Variants in ITFG1 observed in about 807,000 individuals in gnomAD.
ITFG1 encodes the protein T-cell immunomodulatory protein.
Under a neutral mutation model 81.8 loss-of-function variants are expected in ITFG1, and 34 were observed. That is an observed-to-expected ratio of 0.42 (90% CI 0.32 to 0.55). ITFG1 has a LOEUF of 0.55. Ranked by LOEUF, ITFG1 falls within the 20% of genes least tolerant of loss-of-function variation. The pLI is 0.17. For synonymous variants in ITFG1, 285 were observed against 270.6 expected (o/e 1.05, Z -0.52); for missense variants, 672 against 755.4 (o/e 0.89, Z 1.29).
At chr16:47,293,456 TAA>T (rs1485632692) in intron 10 of ITFG1, among the ~76,000 whole-genome samples, 1 of 152,054 alleles carries the variant, frequency 6.6e-6, no homozygotes, top group African/African-American at 2.4e-5. Flanking sequence ...GGTGTACTAA[TAA>T]ACATTCATAC....
chr16:47,183,538 G>C (rs922120625), intron 14 of ITFG1, among the ~76,000 whole-genome samples: 3 of 151,942 alleles, frequency 2.0e-5, no homozygotes, highest in Non-Finnish European at 4.4e-5. Flanking sequence ...CTGACACCTC[G>C]CACGGCCGGG....
intron 10 of ITFG1, among the ~76,000 whole-genome samples, chr16:47,275,415 A>T (rs1966387118): frequency 6.6e-6 from 1 of 152,154 alleles, no homozygotes; most frequent in African/African-American, 2.4e-5. Context: ...AGCTATATAA[A>T]ATACAGTACA....
At chr16:47,408,476 G>C (rs755128908) in intron 6 of ITFG1, among the ~76,000 whole-genome samples, 2 of 152,146 alleles carry the variant, frequency 1.3e-5, no homozygotes, top group Non-Finnish European at 2.9e-5. Context: ...TATCTTTCCA[G>C]TTTTACAAGA....
intron 10 of ITFG1, among the ~76,000 whole-genome samples, chr16:47,305,153 A>T (rs958260200): frequency 6.6e-6 from 1 of 152,196 alleles, no homozygotes; most frequent in African/African-American, 2.4e-5. Flanking sequence ...GTCTGGAAAG[A>T]CAAGTATATA....
intron 5 of ITFG1, among the ~76,000 whole-genome samples, chr16:47,444,282 CATTA>C (rs1378511440): frequency 3.3e-5 from 5 of 152,118 alleles, no homozygotes; most frequent in Admixed American, 6.6e-5. Flanking sequence ...TGCTATTTCT[CATTA>C]ATTAACTTAC....
chr16:47,187,805 T>C (rs1252268097), intron 14 of ITFG1, among the ~76,000 whole-genome samples: 2 of 151,974 alleles, frequency 1.3e-5, no homozygotes, highest in East Asian at 1.9e-4. Flanking sequence ...CAAAAGAAAC[T>C]ACCATCAGAG....
chr16:47,173,564 C>T (rs989161221), intron 14 of ITFG1, among the ~76,000 whole-genome samples: 1 of 152,056 alleles, frequency 6.6e-6, no homozygotes, highest in Admixed American at 6.5e-5. Flanking sequence ...TAGCACATCA[C>T]GATTGTCTAC....
intron 6 of ITFG1, among the ~76,000 whole-genome samples, chr16:47,393,910 G>A (rs1213123526): frequency 1.3e-5 from 2 of 152,086 alleles, no homozygotes; most frequent in Non-Finnish European, 2.9e-5. Flanking sequence ...TAAAACATAT[G>A]TTTTAAGTCT....
At chr16:47,383,644 G>C (rs973856276) in intron 6 of ITFG1, among the ~76,000 whole-genome samples, 4 of 152,186 alleles carry the variant, frequency 2.6e-5, no homozygotes, top group African/African-American at 9.7e-5. Flanking sequence ...GGTGGCACAC[G>C]CCTGTAATCC....
chr16:47,234,438 C>T (rs897361365), intron 13 of ITFG1, among the ~76,000 whole-genome samples: 1 of 151,870 alleles, frequency 6.6e-6, no homozygotes, highest in Non-Finnish European at 1.5e-5. Flanking sequence ...TGTAAATACA[C>T]GTAGTAGGAA....
chr16:47,202,596 A>G (rs990960010), intron 14 of ITFG1, among the ~76,000 whole-genome samples: 1 of 152,090 alleles, frequency 6.6e-6, no homozygotes, highest in East Asian at 1.9e-4. Flanking sequence ...TTAAAAAAAA[A>G]AAGAAACATA....
At chr16:47,238,186 T>G in intron 12 of ITFG1, 178 bp from the exon 13 acceptor site, 1 of 499,342 alleles carries the variant, frequency 2.0e-6, no homozygotes, top group Non-Finnish European at 3.6e-6. Flanking sequence ...ATACCAATAT[T>G]TCAAAAGCCT....
chr16:47,406,460 T>C (rs1478802992), intron 6 of ITFG1, among the ~76,000 whole-genome samples: 1 of 152,232 alleles, frequency 6.6e-6, no homozygotes, highest in Non-Finnish European at 1.5e-5. Context: ...GTTAAATCTT[T>C]AGCTGAAAAA....
At chr16:47,359,428 T>C (rs955347352) in intron 8 of ITFG1, among the ~76,000 whole-genome samples, 9 of 152,196 alleles carry the variant, frequency 5.9e-5, no homozygotes, top group Non-Finnish European at 1.2e-4. Context: ...ACCAAAAATC[T>C]AGAAATCAGT....
intron 14 of ITFG1, among the ~76,000 whole-genome samples, chr16:47,200,262 C>T (rs1004028960): frequency 3.3e-5 from 5 of 152,178 alleles, no homozygotes; most frequent in African/African-American, 1.2e-4. Context: ...TTAAGCTATG[C>T]ATGACTATAC....
intron 13 of ITFG1, among the ~76,000 whole-genome samples, chr16:47,221,566 C>T (rs578004252): frequency 2.0e-5 from 3 of 152,158 alleles, no homozygotes; most frequent in South Asian, 2.1e-4. Flanking sequence ...TGTCTCTGCC[C>T]GGCTTTGGTA....
At chr16:47,378,320 C>T (rs1968352515) in intron 6 of ITFG1, among the ~76,000 whole-genome samples, 1 of 152,166 alleles carries the variant, frequency 6.6e-6, no homozygotes, top group African/African-American at 2.4e-5. Context: ...AATCAAAGGT[C>T]TGGTGTCTTG....
intron 6 of ITFG1, among the ~76,000 whole-genome samples, chr16:47,390,758 C>T (rs1294792371): frequency 2.6e-5 from 4 of 152,012 alleles, no homozygotes; most frequent in African/African-American, 9.7e-5. Flanking sequence ...CCGTGCCCGG[C>T]CAATAATGCT....
intron 14 of ITFG1, among the ~76,000 whole-genome samples, chr16:47,175,358 A>G (rs1297376252): frequency 6.6e-6 from 1 of 150,666 alleles, no homozygotes; most frequent in Admixed American, 6.6e-5. Flanking sequence ...AAATTATTTA[A>G]TAATTTAAAT....
Sources: allele counts gnomAD v4.1 joint callset (sites outside exome capture counted in the v4.1 genomes callset), GRCh38; gene constraint gnomAD v4.1.1; transcripts MANE v1.5; gene names NCBI Gene and HGNC (gene_info 2026-07-23, HGNC 2026-07-21).